Variants in ZNRF1 observed in about 807,000 individuals in gnomAD.
ZNRF1 encodes the protein zinc and ring finger 1, also known as E3 ubiquitin-protein ligase ZNRF1.
A neutral mutation model predicts 18.4 loss-of-function variants in ZNRF1; 3 were observed. That is an observed-to-expected ratio of 0.16 (90% CI 0.07 to 0.42). The LOEUF (loss-of-function observed/expected upper bound fraction) is 0.42, where lower values mean the gene tolerates loss of function less well. Among genes scored for constraint, ZNRF1 ranks in the 10% least tolerant of loss-of-function variants. The probability of loss-of-function intolerance (pLI) is 0.99; values close to 1 mark genes in which losing one functional copy is unlikely to be tolerated. For missense variants in ZNRF1, 310 were observed against 329.8 expected, an observed-to-expected ratio of 0.94 and a Z score of 0.47; for synonymous variants, 157 against 144.2, an observed-to-expected ratio of 1.09 and a Z score of -0.64.
At chr16:75,093,034 G>C (rs1469216366) in intron 1 of ZNRF1, among the ~76,000 whole-genome samples, 2 of 152,196 alleles carry the variant, frequency 1.3e-5, no homozygotes, top group Admixed American at 6.5e-5. Context: ...CCTTAACGAG[G>C]CACATAAGGC....
Position 75,042,184 on chromosome 16 carries a change from G to A in ZNRF1, c.424+42089G>A, listed in dbSNP as rs116692826. ...TGATTTGCAACTATTTTCTCCCAATGTGTGGCCTGTGCTTTTATTTGCTTA... is the reference window on the plus strand; with the variant it reads ...TGATTTGCAACTATTTTCTCCCAATATGTGGCCTGTGCTTTTATTTGCTTA... On this transcript the variant is annotated intron_variant, in intron 1 of 4. Transcript: ENST00000335325. Among the ~76,000 whole-genome samples the A allele has an allele frequency of 7.3e-3, 1,117 of 152,276 alleles. 11 individuals are homozygous for A. The highest frequency in any genetic ancestry group is 0.025 in the African/African-American group (1,044 of 41,546).
intron 1 of ZNRF1, among the ~76,000 whole-genome samples, chr16:75,002,651 T>C (rs1597850650): frequency 6.6e-6 from 1 of 152,226 alleles, no homozygotes; most frequent in Non-Finnish European, 1.5e-5. Flanking sequence ...GCTGTGACCT[T>C]GGGCAAGACA....
At chr16:75,057,352 A>G (rs1324683412) in intron 1 of ZNRF1, among the ~76,000 whole-genome samples, 1 of 152,276 alleles carries the variant, frequency 6.6e-6, no homozygotes, top group East Asian at 1.9e-4. Context: ...ACCAGGTTTG[A>G]TCAACACTTG....
At chr16:75,025,752 T>TA (rs2035214172) in intron 1 of ZNRF1, among the ~76,000 whole-genome samples, 2 of 152,226 alleles carry the variant, frequency 1.3e-5, no homozygotes, top group East Asian at 3.8e-4. Flanking sequence ...GTTTCAGAGT[T>TA]CACTGTTTCT....
At chr16:75,063,847 T>A (rs1014724060) in intron 1 of ZNRF1, among the ~76,000 whole-genome samples, 1 of 152,190 alleles carries the variant, frequency 6.6e-6, no homozygotes, top group African/African-American at 2.4e-5. Flanking sequence ...AGGGGAAAAG[T>A]GGCCTTTTGG....
chr16:75,013,148 G>A (rs1250708402), intron 1 of ZNRF1, among the ~76,000 whole-genome samples: 2 of 152,142 alleles, frequency 1.3e-5, no homozygotes, highest in South Asian at 2.1e-4. Context: ...TATAGTAGAG[G>A]TTCAACACTT....
intron 1 of ZNRF1, among the ~76,000 whole-genome samples, chr16:75,061,946 C>T (rs1432364790): frequency 6.6e-6 from 1 of 152,182 alleles, no homozygotes; most frequent in Non-Finnish European, 1.5e-5. Context: ...GAGCCTGCTG[C>T]CGAGACAGTA....
chr16:75,063,693 G>A (rs1036804096), intron 1 of ZNRF1, among the ~76,000 whole-genome samples: 1 of 152,198 alleles, frequency 6.6e-6, no homozygotes, highest in African/African-American at 2.4e-5. Flanking sequence ...TTCAGTGGCT[G>A]TCAAAAGAGG....
intron 1 of ZNRF1, among the ~76,000 whole-genome samples, chr16:75,079,036 C>G (rs2035978125): frequency 6.6e-6 from 1 of 152,210 alleles, no homozygotes; most frequent in African/African-American, 2.4e-5. Context: ...CCATTCTTAT[C>G]TACCCGGTTC....
intron 1 of ZNRF1, among the ~76,000 whole-genome samples, chr16:75,022,891 A>G (rs984223796): frequency 2.0e-5 from 3 of 152,204 alleles, no homozygotes; most frequent in African/African-American, 7.2e-5. Flanking sequence ...GCATGATACC[A>G]TTCTGCATCA....
chr16:75,055,783 ACACT>A (rs1001870493), intron 1 of ZNRF1, among the ~76,000 whole-genome samples: 2 of 152,222 alleles, frequency 1.3e-5, no homozygotes, highest in African/African-American at 4.8e-5. Context: ...AACAGCATAA[ACACT>A]CAGTCTTGTG....
At chr16:75,043,041 C>G (rs2035470270) in intron 1 of ZNRF1, among the ~76,000 whole-genome samples, 1 of 152,194 alleles carries the variant, frequency 6.6e-6, no homozygotes, top group Admixed American at 6.5e-5. Context: ...CCTTGTCTCA[C>G]TGGTAGTTGG....
At chr16:75,033,390 C>T (rs971862232) in intron 1 of ZNRF1, among the ~76,000 whole-genome samples, 1 of 150,236 alleles carries the variant, frequency 6.7e-6, no homozygotes, top group African/African-American at 2.4e-5. Flanking sequence ...CGGTATTTCT[C>T]TAGCTTCATT....
At chr16:75,092,029 T>C (rs1389289916) in intron 1 of ZNRF1, among the ~76,000 whole-genome samples, 1 of 152,120 alleles carries the variant, frequency 6.6e-6, no homozygotes, top group Non-Finnish European at 1.5e-5. Flanking sequence ...CCAGGTGCGG[T>C]GGCTCACACC....
chr16:75,030,046 G>C (rs185530718), intron 1 of ZNRF1, among the ~76,000 whole-genome samples: 11 of 130,570 alleles, frequency 8.4e-5, no homozygotes, highest in Middle Eastern at 5.3e-3. Context: ...CTTGGTGACA[G>C]AGCAAGATGC....
chr16:75,105,189 T>G (rs2036300496), intron 3 of ZNRF1: 1 of 322,880 alleles, frequency 3.1e-6, no homozygotes. Context: ...CGGATCCCAC[T>G]GGGAAGGTTG....
chr16:75,092,510 T>G (rs1004044708), intron 1 of ZNRF1, among the ~76,000 whole-genome samples: 1 of 152,188 alleles, frequency 6.6e-6, no homozygotes, highest in African/African-American at 2.4e-5. Context: ...TGATAGAATG[T>G]ATATGGAAAA....
intron 1 of ZNRF1, among the ~76,000 whole-genome samples, chr16:75,082,906 G>A (rs1168160006): frequency 2.6e-5 from 4 of 152,170 alleles, no homozygotes; most frequent in Non-Finnish European, 5.9e-5. Context: ...TGATTTTTCA[G>A]ATATTCATAT....
chr16:75,064,899 C>T (rs1469965115), intron 1 of ZNRF1, among the ~76,000 whole-genome samples: 1 of 152,240 alleles, frequency 6.6e-6, no homozygotes, highest in Non-Finnish European at 1.5e-5. Flanking sequence ...CTCCTGCTCC[C>T]TCAGCAGTGC....
Sources: gnomAD v4.1 joint callset for allele counts (sites outside exome capture counted in the v4.1 genomes callset) on GRCh38, gnomAD v4.1.1 for gene constraint, MANE v1.5 for transcripts, NCBI Gene and HGNC (gene_info 2026-07-23, HGNC 2026-07-21) for gene names.